RC3H2: variants seen among roughly 807,000 people sequenced by gnomAD.
The protein encoded by RC3H2 is ring finger and CCCH-type domains 2.
Under a neutral mutation model 133.3 loss-of-function variants are expected in RC3H2, and 31 were observed. The ratio of observed to expected loss-of-function variants is 0.23; its 90% CI spans 0.17 to 0.31. The LOEUF (loss-of-function observed/expected upper bound fraction) is 0.31. RC3H2 is among the 10% of genes least tolerant of loss of function. RC3H2 has a pLI of 1.00. For missense variants in RC3H2, 1,175 were observed against 1,437.2 expected, an observed-to-expected ratio of 0.82 and a Z score of 2.95; for synonymous variants, 517 against 502.2, an observed-to-expected ratio of 1.03 and a Z score of -0.40.
chr9:122,863,874 A>G (rs1385869342), intron 10 of RC3H2, among the ~76,000 whole-genome samples: 2 of 152,010 alleles, frequency 1.3e-5, no homozygotes, highest in Non-Finnish European at 2.9e-5. Context: ...GGTAGCTGGG[A>G]TTACAGGCAT....
chr9:122,868,289 T>C (rs550200902), intron 9 of RC3H2, among the ~76,000 whole-genome samples: 3 of 152,250 alleles, frequency 2.0e-5, no homozygotes, highest in East Asian at 1.9e-4. Flanking sequence ...TGCGGTTTTG[T>C]GGAATAGAAA....
chr9:122,881,449 C>T (rs1280858553), intron 5 of RC3H2, among the ~76,000 whole-genome samples: 1 of 109,038 alleles, frequency 9.2e-6, no homozygotes, highest in East Asian at 2.7e-4. Flanking sequence ...CAGAGTGAGA[C>T]TCCGTCTCAA....
chr9:122,902,661 G>C (rs1832700854), intron 1 of RC3H2, among the ~76,000 whole-genome samples: 1 of 152,152 alleles, frequency 6.6e-6, no homozygotes, highest in Admixed American at 6.5e-5. Flanking sequence ...AGACCAGCCT[G>C]GTCAACATGG....
At chr9:122,854,490 T>C (rs778929123) in intron 16 of RC3H2, 41 bp downstream of exon 16, 3 of 1,464,032 alleles carry the variant, frequency 2.0e-6, no homozygotes. Context: ...TACATACAAG[T>C]CTGAGAATGG....
At chr9:122,891,290 T>C (rs952771958) in intron 3 of RC3H2, among the ~76,000 whole-genome samples, 1 of 152,208 alleles carries the variant, frequency 6.6e-6, no homozygotes, top group Non-Finnish European at 1.5e-5. Flanking sequence ...CTCAAAGTGC[T>C]GGAATTACAG....
intron 10 of RC3H2, among the ~76,000 whole-genome samples, chr9:122,862,146 GT>G (rs1830479373): frequency 6.6e-6 from 1 of 152,000 alleles, no homozygotes; most frequent in South Asian, 2.1e-4. Context: ...CCATGATAAG[GT>G]CAACATTTAT....
rs375694288 is a variant in RC3H2 at position 122,854,576 on chromosome 9, C to T, written c.2855G>A (p.Ser952Asn). ...PYVNAVDSRWSSYGNEATSSA... is the reference protein window; with the variant it reads ...PYVNAVDSRWNSYGNEATSSA... Reference sequence around the variant, plus strand: ...TGATGTGGCCTCGTTGCCATATGAACTCCACCTTGAATCAACAGCATTGAC... The same window carrying T: ...TGATGTGGCCTCGTTGCCATATGAATTCCACCTTGAATCAACAGCATTGAC... The change falls in exon 16 of 21, where the codon AGT becomes AAT. Residue 952 changes from serine (S) to asparagine (N), a missense_variant. Ser to Asn is a conservative substitution (Grantham distance 46). Transcript: ENST00000357244. 8.9e-5 allele frequency: 143 copies of T among 1,613,592 alleles called. No individual in the cohort carries two copies. Among genetic ancestry groups the T allele is most frequent in the Non-Finnish European group, 1.1e-4 (134 of 1,179,634 alleles).
intron 4 of RC3H2, among the ~76,000 whole-genome samples, chr9:122,889,228 A>C (rs1832061232): frequency 6.6e-6 from 1 of 152,184 alleles, no homozygotes; most frequent in Non-Finnish European, 1.5e-5. Flanking sequence ...ATATAGTCAA[A>C]TATCAGTTTC....
intron 13 of RC3H2, among the ~76,000 whole-genome samples, chr9:122,856,398 A>G (rs1830248952): frequency 6.6e-6 from 1 of 152,176 alleles, no homozygotes; most frequent in South Asian, 2.1e-4. Flanking sequence ...GACTATAGGC[A>G]CACGCCACTA....
chr9:122,892,094 G>A (rs1350099670), intron 3 of RC3H2, among the ~76,000 whole-genome samples: 1 of 151,378 alleles, frequency 6.6e-6, no homozygotes, highest in Non-Finnish European at 1.5e-5. Context: ...CAAATTTCAA[G>A]ATGCAGTGAC....
chr9:122,904,880 T>C (rs926541095), intron 1 of RC3H2, among the ~76,000 whole-genome samples: 1 of 152,162 alleles, frequency 6.6e-6, no homozygotes, highest in East Asian at 1.9e-4. Flanking sequence ...CGAAGGAAGG[T>C]GGCCATTTGA....
chr9:122,873,913 G>A (rs998510486), intron 9 of RC3H2: 3 of 152,014 alleles, frequency 2.0e-5, no homozygotes, highest in Non-Finnish European at 2.9e-5. Context: ...TGCCTCCCAA[G>A]TTCAAGCCAT....
intron 2 of RC3H2, among the ~76,000 whole-genome samples, chr9:122,894,878 T>C (rs1160725508): frequency 6.6e-6 from 1 of 151,954 alleles, no homozygotes; most frequent in Non-Finnish European, 1.5e-5. Context: ...AGATTCCATC[T>C]CAACAACAAC....
At chr9:122,901,928 C>CT (rs542589870) in intron 1 of RC3H2, among the ~76,000 whole-genome samples, 2,300 of 116,874 alleles carry the variant, frequency 0.02, 26 homozygotes, top group Middle Eastern at 0.031. Context: ...ATAACTACTT[C>CT]TTTTTTTTTT....
In RC3H2 at chr9:122,859,925, G is replaced by A. The variant is rs1202059265; in HGVS notation, c.1841C>T (p.Pro614Leu). ...TQIPFEVPQYPQTGYYPPPPT... is the reference protein window; with the variant it reads ...TQIPFEVPQYLQTGYYPPPPT... ...TGTCTAAAATTACTCACCTGTCTGT[G>A]GGTACTGTGGGACTTCAAAGGGTAT... The change falls in exon 11 of 21, where the codon CCA (proline) becomes CTA (leucine). Residue 614 changes from proline to leucine, a missense_variant. By Grantham distance (98) the Pro-to-Leu change is moderately conservative. Around this residue, in one of 8 missense-constraint regions of RC3H2, gnomAD observed 490 missense variants for 492.8 expected, o/e 0.99. Coordinates refer to ENST00000357244, the MANE Select transcript of RC3H2 (RefSeq NM_001100588.3). 1.2e-6 allele frequency: 2 copies of A among 1,609,662 alleles called. No homozygotes were observed. The highest frequency in any genetic ancestry group is 1.3e-5 in the African/African-American group (1 of 74,802).
intron 1 of RC3H2, among the ~76,000 whole-genome samples, chr9:122,901,635 A>G (rs917499132): frequency 7.8e-6 from 1 of 128,396 alleles, no homozygotes. Context: ...TCTGTTGCCT[A>G]GGCTGGAGTG....
rs958098611 is a variant in RC3H2 at position 122,866,554 on chromosome 9, G to C, written c.1326-897C>G. On this transcript the variant is annotated intron_variant, in intron 9 of 20. Coordinates refer to ENST00000357244, the MANE Select transcript of RC3H2 (RefSeq NM_001100588.3). ...GGAGTGCCTGCGATTGCAGGCGCGC[G>C]CCGCCACGCCTGACTGGTTTTCTTA... 1.3e-3 allele frequency among the ~76,000 whole-genome samples: 204 copies of C among 152,106 alleles called. 2 individuals carry two copies. The highest frequency in any genetic ancestry group is 6.8e-3 in the Middle Eastern group (2 of 294).
At chr9:122,892,347 A>G (rs764635629) in intron 3 of RC3H2, among the ~76,000 whole-genome samples, 7 of 152,170 alleles carry the variant, frequency 4.6e-5, no homozygotes, top group Non-Finnish European at 1.0e-4. Flanking sequence ...TCCTGGGCTC[A>G]AGAAATCTAC....
intron 13 of RC3H2, 55 bp downstream of exon 13, chr9:122,857,868 G>A: frequency 6.8e-7 from 1 of 1,475,026 alleles, no homozygotes; most frequent in South Asian, 1.2e-5. Context: ...TGAGTAATTT[G>A]AAGTCAGCTG....
Sources: gnomAD v4.1 joint callset for allele counts (sites outside exome capture counted in the v4.1 genomes callset) on GRCh38, gnomAD v4.1.1 for gene constraint, gnomAD v4.1.1 regional missense constraint, MANE v1.5 for transcripts, NCBI Gene and HGNC (gene_info 2026-07-23, HGNC 2026-07-21) for gene names.